Variants in CBFA2T3 observed in about 807,000 individuals in gnomAD.
The protein encoded by CBFA2T3 is CBFA2/RUNX1 partner transcriptional co-repressor 3.
A neutral mutation model predicts 58.6 loss-of-function variants in CBFA2T3; 31 were observed. That is an observed-to-expected ratio of 0.53 (90% CI 0.40 to 0.71). CBFA2T3 has a LOEUF of 0.71. Among genes scored for constraint, CBFA2T3 ranks in the 30% least tolerant of loss-of-function variants. The pLI is 0.00. For missense variants in CBFA2T3, 1,076 were observed against 963.1 expected (o/e 1.12, Z -1.55); for synonymous variants, 531 against 421.9 (o/e 1.26, Z -3.17).
At chr16:88,919,419 C>T (rs1030733081) in intron 1 of CBFA2T3, among the ~76,000 whole-genome samples, 5 of 152,224 alleles carry the variant, frequency 3.3e-5, no homozygotes, top group Admixed American at 1.3e-4. Flanking sequence ...ATTAAATTTA[C>T]GTTCAAGTGC....
chr16:88,942,501 G>A (rs1971777208), intron 1 of CBFA2T3, among the ~76,000 whole-genome samples: 1 of 152,172 alleles, frequency 6.6e-6, no homozygotes, highest in African/African-American at 2.4e-5. Flanking sequence ...TTGTGCCGCG[G>A]GCCTTTTCCC....
intron 2 of CBFA2T3, among the ~76,000 whole-genome samples, chr16:88,899,102 C>T (rs1002191616): frequency 2.2e-5 from 3 of 133,954 alleles, no homozygotes; most frequent in Non-Finnish European, 3.1e-5. Context: ...GCAGCTTCAA[C>T]TCCAAGATGA....
At position 88,975,110 on chromosome 16, in the gene CBFA2T3, A is replaced by AG. The variant is rs1486084064; in HGVS notation, c.151+1546dup. 6.8e-5 allele frequency among the ~76,000 whole-genome samples: 3 copies of AG among 44,064 alleles called. No individual in the cohort carries two copies. In the East Asian group the frequency reaches 4.0e-3, roughly 59 times the overall value. The allele number at this position is 44,064 out of a possible 152,430, so 28.9% of individuals were successfully genotyped here. A position where few individuals can be genotyped will look rare whatever the true frequency, so the allele number is the denominator to read the frequency against. On this transcript the variant is annotated intron_variant, in intron 1 of 11. Transcript: ENST00000268679. ...ACAGTGGCTGGGTACTCTGTGTTAG[A>AG]GGCCACCCTGGCCCTCTGCTCCTGA...
intron 1 of CBFA2T3, among the ~76,000 whole-genome samples, chr16:88,923,697 T>C (rs931084012): frequency 1.3e-4 from 20 of 152,166 alleles, no homozygotes; most frequent in African/African-American, 4.1e-4. Flanking sequence ...GGCTCACACA[T>C]GTCGCTCCTG....
intron 1 of CBFA2T3, among the ~76,000 whole-genome samples, chr16:88,945,109 C>T (rs548928405): frequency 1.3e-5 from 2 of 152,274 alleles, no homozygotes; most frequent in South Asian, 2.1e-4. Flanking sequence ...AAGTCTGATA[C>T]ACTATAGGTA....
intron 1 of CBFA2T3, chr16:88,940,010 G>A (rs1971656793): frequency 6.6e-6 from 1 of 152,342 alleles, no homozygotes; most frequent in African/African-American, 2.4e-5. Flanking sequence ...CCTCGTCCAG[G>A]AGAGGAAACG....
chr16:88,952,751 G>A (rs1229432482), intron 1 of CBFA2T3, among the ~76,000 whole-genome samples: 5 of 152,132 alleles, frequency 3.3e-5, no homozygotes, highest in Admixed American at 6.5e-5. Context: ...TGGGAGAGAC[G>A]CCTCCCATAC....
At chr16:88,881,218 C>G (rs1969059260) in intron 9 of CBFA2T3, 73 bp downstream of exon 9, 1 of 1,338,848 alleles carries the variant, frequency 7.5e-7, no homozygotes, top group Non-Finnish European at 1.1e-6. Flanking sequence ...GCATTGCCTG[C>G]CTGACAGCTC....
intron 1 of CBFA2T3, among the ~76,000 whole-genome samples, chr16:88,974,552 A>G (rs555495626): frequency 6.6e-6 from 1 of 152,284 alleles, no homozygotes; most frequent in South Asian, 2.1e-4. Flanking sequence ...ACGCGCAGCA[A>G]CACAGCCCTG....
intron 5 of CBFA2T3, among the ~76,000 whole-genome samples, chr16:88,891,513 C>A (rs1969628772): frequency 6.6e-6 from 1 of 152,236 alleles, no homozygotes; most frequent in African/African-American, 2.4e-5. Context: ...CTTGCCCCCA[C>A]ACTGGCACGT....
rs539643308 is a variant in CBFA2T3 at position 88,947,903 on chromosome 16, GAC to G, written c.151+28752_151+28753del. ...CACTCTAGCCTGGGTGATGGAACGA[GAC>G]CCTGTCTCAAAAATAAAAATAAAGA... On this transcript the variant is annotated intron_variant, in intron 1 of 11. Transcript: ENST00000268679. Among the ~76,000 whole-genome samples, 20 of 152,322 alleles carry G rather than the reference GAC, an allele frequency of 1.3e-4. No individual in the cohort carries two copies. The East Asian group carries it at 3.9e-3, about 29-fold the overall frequency.
chr16:88,937,818 T>A (rs1181028431), intron 1 of CBFA2T3: 1 of 152,258 alleles, frequency 6.6e-6, no homozygotes, highest in Non-Finnish European at 1.5e-5. Context: ...GTCCTGTAAG[T>A]GAAGTGGTGG....
At chr16:88,912,827 C>T (rs1970573109) in intron 1 of CBFA2T3, among the ~76,000 whole-genome samples, 1 of 152,220 alleles carries the variant, frequency 6.6e-6, no homozygotes, top group African/African-American at 2.4e-5. Flanking sequence ...GAGGCCTGTC[C>T]CCTCTGCCGT....
intron 5 of CBFA2T3, among the ~76,000 whole-genome samples, chr16:88,891,013 C>T (rs11076734): frequency 6.6e-6 from 1 of 152,058 alleles, no homozygotes; most frequent in Admixed American, 6.5e-5. Flanking sequence ...AGGTTTGGGC[C>T]GGGCCGAGAG....
intron 1 of CBFA2T3, among the ~76,000 whole-genome samples, chr16:88,947,322 C>T (rs1463741996): frequency 2.0e-5 from 3 of 152,162 alleles, no homozygotes; most frequent in Non-Finnish European, 2.9e-5. Context: ...TTTTATTTGC[C>T]GTTTAAAAGA....
At chr16:88,893,964 A>G (rs1027137822) in intron 3 of CBFA2T3, among the ~76,000 whole-genome samples, 1 of 152,144 alleles carries the variant, frequency 6.6e-6, no homozygotes, top group African/African-American at 2.4e-5. Flanking sequence ...GGGGGACTGG[A>G]TGCCTCTGGG....
intron 1 of CBFA2T3, among the ~76,000 whole-genome samples, chr16:88,967,933 G>A (rs1255719686): frequency 6.6e-6 from 1 of 152,240 alleles, no homozygotes; most frequent in African/African-American, 2.4e-5. Flanking sequence ...GGAAAGAGGA[G>A]AGGTCGCTCT....
rs1478703238 is a variant in CBFA2T3, at chr16:88,876,134, T to C, written c.*842A>G. On this transcript the variant is annotated 3_prime_UTR_variant, in exon 12 of 12. Coordinates refer to ENST00000268679, the MANE Select transcript of CBFA2T3 (RefSeq NM_005187.6). The stretch of plus-strand genomic sequence containing the variant: ...GTGACAAACAAATTTTGGATTTTGA[T>C]TTCTTGTGTTTGCTTTTTTGGATTT... 4.3e-6 allele frequency: 1 copy of C among 232,504 alleles called. No individual in the cohort carries two copies. The highest frequency in any genetic ancestry group is 5.6e-5 in the Admixed American group (1 of 17,750). 14.4% of individuals were successfully genotyped at this position (232,504 alleles called of 1,614,324 possible).
chr16:88,892,959 C>G (rs1969708006), intron 3 of CBFA2T3, among the ~76,000 whole-genome samples: 1 of 152,188 alleles, frequency 6.6e-6, no homozygotes, highest in Non-Finnish European at 1.5e-5. Flanking sequence ...CTGGGAGACA[C>G]CAACCCTACC....
Sources: allele counts gnomAD v4.1 joint callset (sites outside exome capture counted in the v4.1 genomes callset), GRCh38; gene constraint gnomAD v4.1.1; transcripts MANE v1.5; gene names NCBI Gene and HGNC (gene_info 2026-07-23, HGNC 2026-07-21).